TMEM132D: variants seen among roughly 807,000 people sequenced by gnomAD.
The protein encoded by TMEM132D is mature OL transmembrane protein.
A neutral mutation model predicts 62.3 loss-of-function variants in TMEM132D; 21 were observed. The observed-to-expected ratio is 0.34, with a 90% CI of 0.24 to 0.49. The LOEUF is 0.49. TMEM132D is among the 20% of genes least tolerant of loss of function. The pLI is 0.99. For synonymous variants in TMEM132D, 621 were observed against 575.6 expected (o/e 1.08, Z -1.13); for missense variants, 1,346 against 1,402.8 (o/e 0.96, Z 0.65).
intron 1 of TMEM132D, among the ~76,000 whole-genome samples, chr12:129,897,867 A>C (rs984312712): frequency 6.6e-6 from 1 of 152,210 alleles, no homozygotes; most frequent in East Asian, 1.9e-4. Context: ...GGCACCATGT[A>C]ACAATTCTGC....
At chr12:129,336,951 G>C (rs1311572231) in intron 4 of TMEM132D, among the ~76,000 whole-genome samples, 5 of 152,166 alleles carry the variant, frequency 3.3e-5, no homozygotes, top group Non-Finnish European at 7.4e-5. Context: ...CCAAAGCAAA[G>C]GGCACGGCCG....
intron 3 of TMEM132D, among the ~76,000 whole-genome samples, chr12:129,524,920 C>CTTTTTTTTTTTTTTT (rs761892015): frequency 8.7e-5 from 8 of 92,166 alleles, no homozygotes; most frequent in African/African-American, 1.3e-4. Flanking sequence ...ATATTTTTTT[C>CTTTTTTTTTTTTTTT]TTTTTTCTTT....
At chr12:129,410,681 T>C (rs1454245131) in intron 3 of TMEM132D, among the ~76,000 whole-genome samples, 1 of 152,170 alleles carries the variant, frequency 6.6e-6, no homozygotes, top group African/African-American at 2.4e-5. Context: ...ACTTCTAATG[T>C]ACTTGTCTGA....
chr12:129,288,860 A>G (rs1881372047), intron 4 of TMEM132D, among the ~76,000 whole-genome samples: 1 of 152,234 alleles, frequency 6.6e-6, no homozygotes, highest in African/African-American at 2.4e-5. Flanking sequence ...TAGATGAAGA[A>G]AGATTAGTAC....
At chr12:129,819,222 T>TCC (rs1872469254) in intron 1 of TMEM132D, among the ~76,000 whole-genome samples, 1 of 148,572 alleles carries the variant, frequency 6.7e-6, no homozygotes, top group Non-Finnish European at 1.5e-5. Flanking sequence ...TCATCCCTTC[T>TCC]ACCTACCCCA....
At chr12:129,668,549 C>T (rs567928249) in intron 2 of TMEM132D, among the ~76,000 whole-genome samples, 65 of 151,958 alleles carry the variant, frequency 4.3e-4, no homozygotes, top group Non-Finnish European at 7.2e-4. Flanking sequence ...GGAGAGCTAA[C>T]GTGTTAAACA....
chr12:129,200,075 A>T (rs1336280751), intron 5 of TMEM132D, among the ~76,000 whole-genome samples: 1 of 152,180 alleles, frequency 6.6e-6, no homozygotes, highest in Non-Finnish European at 1.5e-5. Context: ...TATGTGGTAC[A>T]GTTCATCTTT....
chr12:129,418,457 G>A (rs980043927), intron 3 of TMEM132D, among the ~76,000 whole-genome samples: 14 of 152,226 alleles, frequency 9.2e-5, no homozygotes, highest in Non-Finnish European at 1.9e-4. Flanking sequence ...AACTAACACA[G>A]GAACAGAAAA....
At chr12:129,801,330 C>A (rs374712985) in intron 1 of TMEM132D, among the ~76,000 whole-genome samples, 4 of 132,740 alleles carry the variant, frequency 3.0e-5, no homozygotes, top group African/African-American at 1.1e-4. Flanking sequence ...TCTCCCAGCA[C>A]GCAGCTGGAG....
chr12:129,900,865 T>C (rs60826177), intron 1 of TMEM132D, among the ~76,000 whole-genome samples: 2,590 of 152,286 alleles, frequency 0.017, 81 homozygotes, highest in African/African-American at 0.058. Flanking sequence ...TGTCATACCA[T>C]ACTTCCTAGG....
chr12:129,601,042 CTG>C (rs1490972217), intron 2 of TMEM132D, among the ~76,000 whole-genome samples: 2 of 152,186 alleles, frequency 1.3e-5, no homozygotes, highest in Non-Finnish European at 2.9e-5. Flanking sequence ...CAATAGAAGG[CTG>C]TGTCATTTAC....
intron 1 of TMEM132D, among the ~76,000 whole-genome samples, chr12:129,738,965 T>C (rs1869513238): frequency 6.6e-6 from 1 of 151,874 alleles, no homozygotes; most frequent in African/African-American, 2.4e-5. Flanking sequence ...GGTAGGGAGA[T>C]TTACTTGGAA....
At chr12:129,075,149 T>G in intron 8 of TMEM132D, 90 bp from the exon 9 acceptor site, 9 of 1,016,638 alleles carry the variant, frequency 8.9e-6, no homozygotes, top group Non-Finnish European at 1.1e-5. Flanking sequence ...ACGGCAAAAC[T>G]ATTGCTACAA....
chr12:129,539,408 T>TTC lies in TMEM132D; in HGVS notation c.969-8204_969-8203insGA, dbSNP rs1876521350. Among the ~76,000 whole-genome samples the TTC allele has an allele frequency of 2.1e-5, 3 of 143,498 alleles. No individual in the cohort carries two copies. In the East Asian group the frequency reaches 6.0e-4, roughly 29 times the overall value. 94.1% of individuals were successfully genotyped at this position (143,498 alleles called of 152,430 possible). On this transcript the variant is annotated intron_variant, in intron 2 of 8. Transcript: ENST00000422113. ...CACCACATTTGGCTAATTTTTTCTT[T>TTC]TTTTTTTTTTTTTTGAGACGGAGTC...
chr12:129,494,339 A>T (rs1263486148), intron 3 of TMEM132D, among the ~76,000 whole-genome samples: 1 of 152,192 alleles, frequency 6.6e-6, no homozygotes, highest in African/African-American at 2.4e-5. Flanking sequence ...AAGTGGCAGG[A>T]TCAGAAAATC....
At chr12:129,367,881 G>A (rs1870471948) in intron 3 of TMEM132D, among the ~76,000 whole-genome samples, 1 of 150,694 alleles carries the variant, frequency 6.6e-6, no homozygotes, top group Admixed American at 6.6e-5. Context: ...CACCTTCCCG[G>A]TGCAAGTAAT....
At chr12:129,760,269 A>T (rs1468640973) in intron 1 of TMEM132D, among the ~76,000 whole-genome samples, 1 of 146,972 alleles carries the variant, frequency 6.8e-6, no homozygotes, top group African/African-American at 2.5e-5. Flanking sequence ...AACCTGAATG[A>T]TGTTATATGA....
chr12:129,462,652 C>A (rs776309712), intron 3 of TMEM132D, among the ~76,000 whole-genome samples: 15 of 152,282 alleles, frequency 9.9e-5, no homozygotes, highest in African/African-American at 3.6e-4. Context: ...CACAATGGCA[C>A]TAAATATTCC....
chr12:129,244,191 C>T (rs916860986), intron 4 of TMEM132D, among the ~76,000 whole-genome samples: 2 of 151,442 alleles, frequency 1.3e-5, no homozygotes, highest in Non-Finnish European at 2.9e-5. Flanking sequence ...CGAGACCATC[C>T]TGGCTAACGC....
Sources: gnomAD v4.1 joint callset for allele counts (sites outside exome capture counted in the v4.1 genomes callset) on GRCh38, gnomAD v4.1.1 for gene constraint, MANE v1.5 for transcripts, NCBI Gene and HGNC (gene_info 2026-07-23, HGNC 2026-07-21) for gene names.